The following LRRC40 variants were observed in gnomAD, a reference collection of about 807,000 sequenced individuals.
LRRC40 encodes leucine-rich repeat-containing protein 40.
LRRC40 carries 76 observed loss-of-function variants against 72.8 expected under a neutral mutation model. That is an observed-to-expected ratio of 1.04 (90% CI 0.87 to 1.26). The LOEUF (loss-of-function observed/expected upper bound fraction) is 1.26, where lower values mean the gene tolerates loss of function less well. Among genes scored for constraint, LRRC40 ranks in the 50% most tolerant of loss-of-function variants. The pLI, the probability that LRRC40 is intolerant of heterozygous loss-of-function variation, is 0.00. For missense variants in LRRC40, 684 were observed against 698.9 expected, an observed-to-expected ratio of 0.98 and a Z score of 0.24; for synonymous variants, 243 against 254.2, an observed-to-expected ratio of 0.96 and a Z score of 0.42.
chr1:70,145,759 G>C lies in LRRC40; in HGVS notation c.*41C>G. On this transcript the variant is annotated 3_prime_UTR_variant, in exon 15 of 15. Coordinates refer to ENST00000370952, the MANE Select transcript of LRRC40 (RefSeq NM_017768.5). ...GTTACATCCTCCTTAGAATTAACCAGGGTTAATAATACATGACAAGGGTTA... is the reference window on the plus strand; with the variant it reads ...GTTACATCCTCCTTAGAATTAACCACGGTTAATAATACATGACAAGGGTTA... 1 of 1,010,468 alleles carries C rather than the reference G, an allele frequency of 9.9e-7. No individual in the cohort carries two copies. The highest frequency in any genetic ancestry group is 1.3e-5 in the South Asian group (1 of 74,374). 62.6% of individuals were successfully genotyped at this position (1,010,468 alleles called of 1,614,324 possible).
intron 1 of LRRC40, among the ~76,000 whole-genome samples, chr1:70,190,143 C>T (rs57455508): frequency 0.022 from 3,310 of 152,086 alleles, 110 homozygotes; most frequent in African/African-American, 0.073. Context: ...CTTCACTGCT[C>T]GGTAAAAGTA....
chr1:70,170,513 G>T (rs1309881872), intron 9 of LRRC40, among the ~76,000 whole-genome samples: 2 of 152,024 alleles, frequency 1.3e-5, no homozygotes, highest in East Asian at 3.8e-4. Context: ...AAAATTATTG[G>T]AACTAATAGT....
intron 1 of LRRC40, among the ~76,000 whole-genome samples, chr1:70,203,870 CAGAG>C (rs113401867): frequency 0.099 from 15,126 of 152,220 alleles, 883 homozygotes; most frequent in East Asian, 0.3. Context: ...TACAGCCAGA[CAGAG>C]AAAGACTTTC....
At chr1:70,163,779 G>A (rs1475561032) in intron 9 of LRRC40, among the ~76,000 whole-genome samples, 1 of 152,140 alleles carries the variant, frequency 6.6e-6, no homozygotes, top group Admixed American at 6.5e-5. Flanking sequence ...TCAGAACACA[G>A]ATCAGAATCA....
intron 9 of LRRC40, among the ~76,000 whole-genome samples, chr1:70,166,526 G>A (rs901447263): frequency 1.3e-5 from 2 of 152,124 alleles, no homozygotes; most frequent in African/African-American, 2.4e-5. Flanking sequence ...GTGTAGTGGT[G>A]CACACCTGTA....
chr1:70,151,130 A>G lies in LRRC40; in HGVS notation c.1515T>C (p.Asn505=), dbSNP rs1400733323. The change falls in exon 13 of 15, where the codon AAT becomes AAC. Residue 505 remains asparagine (N), a splice_region_variant and synonymous_variant. Transcript: ENST00000370952. The stretch of plus-strand genomic sequence containing the variant: ...ATTAGAATTGTCTGTTCTCTTACCT[A>G]TTAAAGGAAAGATTGATCGTTTGCA... ...VRLQTINLSF[N]RFKMLPEVLY... is the part of the protein sequence containing the mutation. The G allele has an allele frequency of 6.6e-7, 1 of 1,507,522 alleles. No individual in the cohort carries two copies. Among genetic ancestry groups the G allele is most frequent in the South Asian group, 1.1e-5 (1 of 87,534 alleles). The allele number at this position is 1,507,522 out of a possible 1,614,324, so 93.4% of individuals were successfully genotyped here. A position where few individuals can be genotyped will look rare whatever the true frequency, so the allele number is the denominator to read the frequency against.
intron 1 of LRRC40, among the ~76,000 whole-genome samples, chr1:70,200,461 T>A (rs1397062887): frequency 7.6e-5 from 11 of 145,056 alleles, no homozygotes; most frequent in African/African-American, 2.8e-4. Context: ...ACCCTACCTC[T>A]AAAAAAAAAA....
chr1:70,157,973 G>A (rs753409588), intron 10 of LRRC40, among the ~76,000 whole-genome samples: 5 of 151,374 alleles, frequency 3.3e-5, no homozygotes, highest in East Asian at 1.9e-4. Flanking sequence ...GCAGGATAGC[G>A]TGCAGCAGTT....
intron 1 of LRRC40, among the ~76,000 whole-genome samples, chr1:70,191,678 G>C (rs1001494253): frequency 1.3e-5 from 2 of 151,980 alleles, no homozygotes; most frequent in Non-Finnish European, 2.9e-5. Flanking sequence ...TGTTGCAACT[G>C]TCCCATAAGA....
chr1:70,161,998 G>T (rs1571449236), intron 9 of LRRC40, among the ~76,000 whole-genome samples: 1 of 152,144 alleles, frequency 6.6e-6, no homozygotes, highest in South Asian at 2.1e-4. Flanking sequence ...TAATTCCCAA[G>T]AGAGTAACCA....
At chr1:70,164,953 A>G (rs556824729) in intron 9 of LRRC40, among the ~76,000 whole-genome samples, 18 of 152,352 alleles carry the variant, frequency 1.2e-4, no homozygotes, top group African/African-American at 4.1e-4. Flanking sequence ...AGAAGGTTTA[A>G]TACTATTTAG....
At chr1:70,162,446 C>A (rs756300670) in intron 9 of LRRC40, among the ~76,000 whole-genome samples, 2 of 152,150 alleles carry the variant, frequency 1.3e-5, no homozygotes, top group Non-Finnish European at 2.9e-5. Context: ...CAGGCTCAAC[C>A]CCAAACCTAT....
intron 1 of LRRC40, among the ~76,000 whole-genome samples, chr1:70,203,703 G>A (rs770756320): frequency 4.6e-5 from 7 of 152,152 alleles, no homozygotes; most frequent in Non-Finnish European, 7.3e-5. Context: ...CATAATAAAT[G>A]AGAAATTAGG....
rs1375663359 is a variant in LRRC40 at position 70,187,270 on chromosome 1, A to T, written c.402T>A (p.Asn134Lys). 6.5e-7 allele frequency: 1 copy of T among 1,537,856 alleles called. No homozygotes were observed. The change falls in exon 3 of 15, where the codon AAT (asparagine) becomes AAA (lysine). Residue 134 changes from asparagine to lysine, a missense_variant. Coordinates refer to ENST00000370952, the MANE Select transcript of LRRC40 (RefSeq NM_017768.5). Reference sequence around the variant, plus strand: ...TAAATAAGCTTAATTTTTACCTGACATTAAGTTTCTGAAGATTTTCTAGCT... The same window carrying T: ...TAAATAAGCTTAATTTTTACCTGACTTTAAGTTTCTGAAGATTTTCTAGCT... ...IRELENLQKL[N>K]VSHNKLKILP...
At position 70,190,677 on chromosome 1, in the gene LRRC40, TAAA is replaced by T. The variant is rs59341874; in HGVS notation, c.152-1407_152-1405del. 2.0e-4 allele frequency among the ~76,000 whole-genome samples: 11 copies of T among 54,354 alleles called. 1 individual carries two copies. The highest frequency in any genetic ancestry group is 6.3e-4 in the African/African-American group (5 of 7,916). The allele number at this position is 54,354 out of a possible 152,430, so 35.7% of individuals were successfully genotyped here. ...GGGAAACAGAGTGAGACCCTGTCTC[TAAA>T]AAAAAAAAAAAAAAAACTTAAAAAA... On this transcript the variant is annotated intron_variant, in intron 1 of 14. Coordinates refer to ENST00000370952, the MANE Select transcript of LRRC40 (RefSeq NM_017768.5).
chr1:70,164,016 C>A (rs1667823232), intron 9 of LRRC40, among the ~76,000 whole-genome samples: 1 of 152,158 alleles, frequency 6.6e-6, no homozygotes. Context: ...TGGGGGCGCT[C>A]TTGCTGTGTC....
At chr1:70,175,181 C>A (rs1432329470) in intron 7 of LRRC40, among the ~76,000 whole-genome samples, 2 of 151,966 alleles carry the variant, frequency 1.3e-5, no homozygotes, top group African/African-American at 4.8e-5. Flanking sequence ...GAGCAAGACA[C>A]CTGCATGAGC....
At position 70,200,149 on chromosome 1, in the gene LRRC40, A is replaced by C. The variant is rs188029361; in HGVS notation, c.151+5241T>G. Among the ~76,000 whole-genome samples the C allele has an allele frequency of 2.0e-4, 31 of 152,332 alleles. No individual in the cohort carries two copies. In the East Asian group the frequency reaches 5.2e-3, roughly 26 times the overall value. ...TTATATATGTAAAAATTAAAGACTA[A>C]GTTTTGTTTTCCCAATGTAGAAATA... On this transcript the variant is annotated intron_variant, in intron 1 of 14. Coordinates refer to ENST00000370952, the MANE Select transcript of LRRC40 (RefSeq NM_017768.5).
At chr1:70,202,622 T>C (rs1668773263) in intron 1 of LRRC40, among the ~76,000 whole-genome samples, 2 of 152,186 alleles carry the variant, frequency 1.3e-5, no homozygotes, top group African/African-American at 2.4e-5. Context: ...ATATACGACA[T>C]GCATTTGTCA....
Sources: allele counts gnomAD v4.1 joint callset (sites outside exome capture counted in the v4.1 genomes callset), GRCh38; gene constraint gnomAD v4.1.1; transcripts MANE v1.5; gene names NCBI Gene and HGNC (gene_info 2026-07-23, HGNC 2026-07-21).